The following PBX1 variants were observed in gnomAD, a reference collection of about 807,000 sequenced individuals.
The protein encoded by PBX1 is PBX homeobox 1, also known as pre-B-cell leukemia transcription factor 1.
Under a neutral mutation model 53.4 loss-of-function variants are expected in PBX1, and 6 were observed. That is an observed-to-expected ratio of 0.11 (90% CI 0.06 to 0.22). The LOEUF (loss-of-function observed/expected upper bound fraction) is 0.22, where lower values mean the gene tolerates loss of function less well. Ranked by LOEUF, PBX1 falls within the 10% of genes least tolerant of loss-of-function variation. The pLI is 1.00. For synonymous variants in PBX1, 204 were observed against 212.3 expected, an observed-to-expected ratio of 0.96 and a Z score of 0.34; for missense variants, 251 against 551.4, an observed-to-expected ratio of 0.46 and a Z score of 5.46.
chr1:164,693,237 C>T (rs538867116), intron 2 of PBX1, among the ~76,000 whole-genome samples: 1 of 152,352 alleles, frequency 6.6e-6, no homozygotes, highest in Non-Finnish European at 1.5e-5. Context: ...TTCATGCTCG[C>T]TGTTGCAGAA....
chr1:164,559,640 C>A lies in PBX1; in HGVS notation c.-183C>A. 1.2e-5 allele frequency: 4 copies of A among 330,786 alleles called. No individual in the cohort carries two copies. Among genetic ancestry groups the A allele is most frequent in the Non-Finnish European group, 2.2e-5 (4 of 180,804 alleles). The allele number at this position is 330,786 out of a possible 1,614,324, so 20.5% of individuals were successfully genotyped here. A position where few individuals can be genotyped will look rare whatever the true frequency, so the allele number is the denominator to read the frequency against. ...CCCTCCCCCTCCCCCTCCTCATCCT[C>A]CCACCATCCTCTAAAGAGGCAAAGG... On this transcript the variant is annotated 5_prime_UTR_variant, in exon 1 of 9. Transcript: ENST00000420696.
intron 6 of PBX1, chr1:164,814,482 C>A (rs970879023): frequency 1.2e-4 from 19 of 152,150 alleles, no homozygotes; most frequent in African/African-American, 4.6e-4. Context: ...TGGCTCATGC[C>A]TGTAATCCCA....
At chr1:164,822,427 G>T (rs1391018494) in intron 8 of PBX1, among the ~76,000 whole-genome samples, 1 of 152,142 alleles carries the variant, frequency 6.6e-6, no homozygotes, top group Non-Finnish European at 1.5e-5. Context: ...TTGAAGAAAG[G>T]TTTGGGTGGT....
intron 2 of PBX1, among the ~76,000 whole-genome samples, chr1:164,674,122 A>G (rs951295619): frequency 1.3e-5 from 2 of 152,216 alleles, no homozygotes; most frequent in South Asian, 2.1e-4. Flanking sequence ...CCTTTTAGCC[A>G]TCAGTCCCTG....
rs1273250804 is a variant in PBX1, at chr1:164,848,012, A to ATGT, written c.*1338_*1340dup. ...AGGCACACTGTATTAATTTTCCAAA[A>ATGT]TGTTATACCACACTATGTTCTTGGT... On this transcript the variant is annotated 3_prime_UTR_variant, in exon 9 of 9. Coordinates refer to ENST00000420696, the MANE Select transcript of PBX1 (RefSeq NM_002585.4). The ATGT allele has an allele frequency of 9.5e-7, 1 of 1,050,084 alleles. No individual in the cohort carries two copies. Among genetic ancestry groups the ATGT allele is most frequent in the African/African-American group, 1.7e-5 (1 of 60,192 alleles). The allele number at this position is 1,050,084 out of a possible 1,614,324, so 65.0% of individuals were successfully genotyped here. A position where few individuals can be genotyped will look rare whatever the true frequency, so the allele number is the denominator to read the frequency against.
chr1:164,821,481 C>G lies in PBX1; in HGVS notation c.1111-56C>G, dbSNP rs1366709861. 3.0e-6 allele frequency: 4 copies of G among 1,326,906 alleles called. No homozygotes were observed. The Admixed American group carries it at 5.0e-5, about 17-fold the overall frequency. The allele number at this position is 1,326,906 out of a possible 1,614,324, so 82.2% of individuals were successfully genotyped here. A position where few individuals can be genotyped will look rare whatever the true frequency, so the allele number is the denominator to read the frequency against. Reference sequence around the variant, plus strand: ...TGGCCTGCCTGATGATGATCTGCCTCCCTTTTCCTACACCTCTCTGACTAA... The same window carrying G: ...TGGCCTGCCTGATGATGATCTGCCTGCCTTTTCCTACACCTCTCTGACTAA... On this transcript the variant is annotated intron_variant, in intron 7 of 8. Transcript: ENST00000420696.
At chr1:164,869,908 G>T (rs1254886645) in intron 2 of PBX1, among the ~76,000 whole-genome samples, 1 of 152,148 alleles carries the variant, frequency 6.6e-6, no homozygotes, top group Non-Finnish European at 1.5e-5. Flanking sequence ...CCTGGGGTGG[G>T]ACCATGCCTG....
intron 2 of PBX1, among the ~76,000 whole-genome samples, chr1:164,768,458 A>G (rs2102238986): frequency 6.6e-6 from 1 of 152,258 alleles, no homozygotes; most frequent in East Asian, 1.9e-4. Flanking sequence ...CCTACTATTA[A>G]CATTCTCTGG....
At chr1:164,748,373 T>C (rs1282485064) in intron 2 of PBX1, among the ~76,000 whole-genome samples, 1 of 152,106 alleles carries the variant, frequency 6.6e-6, no homozygotes, top group South Asian at 2.1e-4. Context: ...TAAGTGGAAA[T>C]AAGAACTCTA....
chr1:164,867,250 T>C (rs1230071037), intron 2 of PBX1, among the ~76,000 whole-genome samples: 1 of 152,186 alleles, frequency 6.6e-6, no homozygotes, highest in Admixed American at 6.5e-5. Context: ...CCAAGATTCA[T>C]GAGATACTAT....
intron 6 of PBX1, 93 bp downstream of exon 6, chr1:164,812,242 A>T: frequency 8.1e-7 from 1 of 1,230,500 alleles, no homozygotes; most frequent in Admixed American, 2.6e-5. Context: ...TTAATTTGTT[A>T]GGCTTTTGAT....
chr1:164,859,297 C>G (rs1404876882), intron 2 of PBX1, among the ~76,000 whole-genome samples: 2 of 152,092 alleles, frequency 1.3e-5, no homozygotes, highest in Non-Finnish European at 2.9e-5. Context: ...AACAGTGGCC[C>G]CTGGAGAGCC....
intron 2 of PBX1, among the ~76,000 whole-genome samples, chr1:164,720,175 CAG>C (rs1264907622): frequency 3.9e-5 from 6 of 152,158 alleles, no homozygotes; most frequent in Admixed American, 2.6e-4. Flanking sequence ...ATTGTAAAGA[CAG>C]GGGAAACAAT....
At chr1:164,643,515 A>T (rs1292980080) in intron 2 of PBX1, among the ~76,000 whole-genome samples, 1 of 152,186 alleles carries the variant, frequency 6.6e-6, no homozygotes, top group Non-Finnish European at 1.5e-5. Context: ...AACATTTTTA[A>T]GTTCCAGAAT....
intron 2 of PBX1, among the ~76,000 whole-genome samples, chr1:164,667,131 C>T (rs2101962840): frequency 6.6e-6 from 1 of 152,304 alleles, no homozygotes; most frequent in East Asian, 1.9e-4. Flanking sequence ...ACTGACACTG[C>T]TTCTGAAGGT....
chr1:164,643,661 TATGAC>T (rs1659283252), intron 2 of PBX1, among the ~76,000 whole-genome samples: 2 of 152,352 alleles, frequency 1.3e-5, no homozygotes, highest in South Asian at 4.1e-4. Flanking sequence ...TTTGGATACT[TATGAC>T]ATGCTGGGCA....
rs528698104 is a variant in PBX1 at position 164,773,860 on chromosome 1, G to A, written c.266-18634G>A. Among the ~76,000 whole-genome samples the A allele has an allele frequency of 1.6e-3, 242 of 152,328 alleles. 1 individual carries two copies. Among genetic ancestry groups the A allele is most frequent in the African/African-American group, 5.6e-3 (231 of 41,574 alleles). On this transcript the variant is annotated intron_variant, in intron 2 of 8. Transcript: ENST00000420696. ...GAGATTTGACTGAAGAGAAGGAAGC[G>A]TGTTTGCAGTGTTAACGCAGTGGAT...
intron 2 of PBX1, among the ~76,000 whole-genome samples, chr1:164,790,669 T>A (rs762617918): frequency 6.6e-6 from 1 of 152,212 alleles, no homozygotes; most frequent in Non-Finnish European, 1.5e-5. Flanking sequence ...TTTGATGGTC[T>A]CGTGTTTTGT....
chr1:164,761,892 A>C (rs1308037197), intron 2 of PBX1, among the ~76,000 whole-genome samples: 1 of 152,182 alleles, frequency 6.6e-6, no homozygotes, highest in South Asian at 2.1e-4. Context: ...ACAGTACTAT[A>C]GATACTCTTA....
Sources: gnomAD v4.1 joint callset for allele counts (sites outside exome capture counted in the v4.1 genomes callset) on GRCh38, gnomAD v4.1.1 for gene constraint, MANE v1.5 for transcripts, NCBI Gene and HGNC (gene_info 2026-07-23, HGNC 2026-07-21) for gene names.